The following TNFRSF11B variants were observed in gnomAD, a reference collection of about 807,000 sequenced individuals.
TNFRSF11B encodes TNF receptor superfamily member 11b.
Under a neutral mutation model 43.4 loss-of-function variants are expected in TNFRSF11B, and 16 were observed. The ratio of observed to expected loss-of-function variants is 0.37; its 90% CI spans 0.25 to 0.56. The LOEUF is 0.56. Ranked by LOEUF, TNFRSF11B falls within the 20% of genes least tolerant of loss-of-function variation. The pLI, the probability that TNFRSF11B is intolerant of heterozygous loss-of-function variation, is 0.80. For missense variants in TNFRSF11B, 444 were observed against 490.1 expected (o/e 0.91, Z 0.89); for synonymous variants, 185 against 181.8 (o/e 1.02, Z -0.14).
Position 118,933,252 on chromosome 8 carries a change from T to C in TNFRSF11B, c.79A>G (p.Lys27Glu), listed in dbSNP as rs760463291. 6.8e-6 allele frequency: 11 copies of C among 1,613,944 alleles called. No individual in the cohort carries two copies. In the South Asian group the frequency reaches 9.9e-5, roughly 14 times the overall value. ...GTTTCTTCGTCATAATGAAGGTACT[T>C]TGGAGGAAACGTTTCCTGGGTGGTC... ...KWTTQETFPPKYLHYDEETSH... is the reference protein window; with the variant it reads ...KWTTQETFPPEYLHYDEETSH... Residue 27 changes from lysine to glutamate, a missense_variant, in exon 2 of 5, where the codon AAG becomes GAG. Lys to Glu is a moderately conservative substitution (Grantham distance 56, BLOSUM62 1). Coordinates refer to ENST00000297350, the MANE Select transcript of TNFRSF11B (RefSeq NM_002546.4).
At chr8:118,943,618 A>C in intron 1 of TNFRSF11B, among the ~76,000 whole-genome samples, 1 of 152,150 alleles carries the variant, frequency 6.6e-6, no homozygotes, top group East Asian at 1.9e-4. Context: ...TGAGATAGAG[A>C]TACTAATCTC....
intron 1 of TNFRSF11B, among the ~76,000 whole-genome samples, chr8:118,943,914 C>T (rs1447055225): frequency 2.0e-5 from 3 of 152,094 alleles, no homozygotes; most frequent in Non-Finnish European, 4.4e-5. Context: ...GCCCAGCTAA[C>T]CCTTTATGTA....
rs116290991 is a variant in TNFRSF11B, at chr8:118,946,684, G to T, written c.30+5108C>A. ...ATCGATATCAGAATTGTGCTCTGGG[G>T]GCGGCTTCACACTCTTCTCTCTTGG... is the stretch of plus-strand genomic sequence containing the variant. On this transcript the variant is annotated intron_variant, in intron 1 of 4. Transcript: ENST00000297350. Among the ~76,000 whole-genome samples, 619 of 152,054 alleles carry T rather than the reference G, an allele frequency of 4.1e-3. 2 individuals carry two copies. The highest frequency in any genetic ancestry group is 0.014 in the African/African-American group (581 of 41,486).
rs1227948762 is a variant in TNFRSF11B, at chr8:118,928,925, G to A, written c.405C>T (p.Thr135=). The A allele has an allele frequency of 1.2e-6, 2 of 1,614,054 alleles. No homozygotes were observed. The highest frequency in any genetic ancestry group is 1.7e-5 in the Admixed American group (1 of 60,010). ...PPGFGVVQAG[T]PERNTVCKRC... ...TTTTGCAAACTGTATTTCGCTCTGG[G>A]GTTCCTACAGAAAATACCAAGCAAT... is the stretch of plus-strand genomic sequence containing the variant. The change falls in exon 3 of 5, where the codon ACC becomes ACT. Residue 135 remains threonine (T), a synonymous_variant. Coordinates refer to ENST00000297350, the MANE Select transcript of TNFRSF11B (RefSeq NM_002546.4).
intron 3 of TNFRSF11B, among the ~76,000 whole-genome samples, chr8:118,927,071 C>T (rs1344897753): frequency 1.3e-5 from 2 of 152,138 alleles, no homozygotes; most frequent in Non-Finnish European, 2.9e-5. Flanking sequence ...CAGGGAACTT[C>T]ATGATTAATG....
At chr8:118,941,351 A>G (rs1409997660) in intron 1 of TNFRSF11B, among the ~76,000 whole-genome samples, 1 of 152,194 alleles carries the variant, frequency 6.6e-6, no homozygotes, top group African/African-American at 2.4e-5. Flanking sequence ...TAAGGCAGGA[A>G]GGGCAAATGA....
intron 3 of TNFRSF11B, among the ~76,000 whole-genome samples, chr8:118,928,012 ATGTGTGTGTGTG>A (rs58489703): frequency 2.1e-5 from 3 of 145,164 alleles, no homozygotes; most frequent in Non-Finnish European, 3.0e-5. Flanking sequence ...CACATTTCTA[ATGTGTGTGTGTG>A]TGTGTGTGTG....
intron 4 of TNFRSF11B, among the ~76,000 whole-genome samples, chr8:118,924,970 A>G (rs749558566): frequency 1.3e-5 from 2 of 152,216 alleles, no homozygotes; most frequent in African/African-American, 2.4e-5. Flanking sequence ...AATATGCTAT[A>G]TATTTTTGGC....
At chr8:118,935,920 C>T (rs1160619645) in intron 1 of TNFRSF11B, among the ~76,000 whole-genome samples, 2 of 152,152 alleles carry the variant, frequency 1.3e-5, no homozygotes, top group East Asian at 1.9e-4. Context: ...CCCATTTCAA[C>T]ATGGTTCAGG....
chr8:118,924,901 G>T, intron 4 of TNFRSF11B, 139 bp from the exon 5 acceptor site: 2 of 981,140 alleles, frequency 2.0e-6, no homozygotes, highest in Non-Finnish European at 3.1e-6. Context: ...TTGAGAGGGA[G>T]TTAAGTGACA....
chr8:118,934,558 G>C (rs1224016783), intron 1 of TNFRSF11B, among the ~76,000 whole-genome samples: 1 of 152,130 alleles, frequency 6.6e-6, no homozygotes, highest in East Asian at 1.9e-4. Context: ...TGGAAGGAGA[G>C]TTTCAACTGG....
Position 118,924,375 on chromosome 8 carries a change from T to A in TNFRSF11B, c.1205A>T (p.Ter402LeuextTer19), listed in dbSNP as rs2129877362. The A allele has an allele frequency of 2.5e-6, 4 of 1,614,162 alleles. No homozygotes were observed. Among genetic ancestry groups the A allele is most frequent in the Non-Finnish European group, 8.5e-7 (1 of 1,180,018 alleles). The part of the protein sequence containing the change: ...QVQSVKISCL[*>L] ...AAACAGCTCAATGGCCATTTCCAGT[T>A]ATAAGCAGCTTATTTTTACTGATTG... is the stretch of plus-strand genomic sequence containing the variant. Residue 402 changes from the stop codon to leucine (L), a stop_lost, in exon 5 of 5, where the codon TAA (stop) becomes TTA (leucine). Coordinates refer to ENST00000297350, the MANE Select transcript of TNFRSF11B (RefSeq NM_002546.4).
At chr8:118,943,596 T>G (rs1003917714) in intron 1 of TNFRSF11B, among the ~76,000 whole-genome samples, 2 of 152,134 alleles carry the variant, frequency 1.3e-5, no homozygotes, top group African/African-American at 4.8e-5. Flanking sequence ...TGAACCTCAA[T>G]TTCCTTATCT....
chr8:118,946,899 T>C (rs1812570360), intron 1 of TNFRSF11B, among the ~76,000 whole-genome samples: 1 of 152,178 alleles, frequency 6.6e-6, no homozygotes, highest in Admixed American at 6.5e-5. Context: ...ACACTTGATG[T>C]CCAAACCCAC....
chr8:118,947,555 G>A (rs1420201761), intron 1 of TNFRSF11B, among the ~76,000 whole-genome samples: 8 of 151,982 alleles, frequency 5.3e-5, no homozygotes, highest in East Asian at 1.9e-4. Context: ...ATAATCCCAC[G>A]TCCCACACAC....
At chr8:118,936,881 A>G (rs1051389537) in intron 1 of TNFRSF11B, among the ~76,000 whole-genome samples, 1 of 152,198 alleles carries the variant, frequency 6.6e-6, no homozygotes, top group Non-Finnish European at 1.5e-5. Flanking sequence ...AAAGAATTAA[A>G]TGATTTTCTT....
At chr8:118,951,562 C>T (rs1812646075) in intron 1 of TNFRSF11B, among the ~76,000 whole-genome samples, 1 of 152,238 alleles carries the variant, frequency 6.6e-6, no homozygotes, top group Non-Finnish European at 1.5e-5. Context: ...CTGTCTGTCT[C>T]TCTCTTGCTG....
chr8:118,940,442 T>C (rs887467167), intron 1 of TNFRSF11B, among the ~76,000 whole-genome samples: 6 of 152,220 alleles, frequency 3.9e-5, no homozygotes, highest in African/African-American at 1.2e-4. Context: ...AGAATATGCA[T>C]ACCACAATTC....
rs1812355397 is a variant in TNFRSF11B, at chr8:118,933,308, G to A, written c.31-8C>T. 6.2e-7 allele frequency: 1 copy of A among 1,612,930 alleles called. No homozygotes were observed. The highest frequency in any genetic ancestry group is 8.5e-7 in the Non-Finnish European group (1 of 1,180,022). On this transcript the variant is annotated splice_polypyrimidine_tract_variant and splice_region_variant and intron_variant, in intron 1 of 4. Transcript: ENST00000297350. ...AATGGAGATGTCCAGAAACTAGAAG[G>A]AGAAAGGAACACAGTGGCATCATCT...
Sources: allele counts gnomAD v4.1 joint callset (sites outside exome capture counted in the v4.1 genomes callset), GRCh38; gene constraint gnomAD v4.1.1; transcripts MANE v1.5; gene names NCBI Gene and HGNC (gene_info 2026-07-23, HGNC 2026-07-21).